Variants in SLC46A1 observed in about 807,000 individuals in gnomAD.
SLC46A1 encodes solute carrier family 46 member 1, also known as proton-coupled folate transporter.
SLC46A1 carries 17 observed loss-of-function variants against 32.1 expected under a neutral mutation model. The ratio of observed to expected loss-of-function variants is 0.53; its 90% confidence interval spans 0.36 to 0.79. SLC46A1 has a LOEUF of 0.79. Ranked by LOEUF, SLC46A1 falls within the 30% of genes least tolerant of loss-of-function variation. The pLI, the probability that SLC46A1 is intolerant of heterozygous loss-of-function variation, is 0.00. For synonymous variants in SLC46A1, 240 were observed against 262.7 expected, an observed-to-expected ratio of 0.91 and a Z score of 0.84; for missense variants, 517 against 588.2, an observed-to-expected ratio of 0.88 and a Z score of 1.25.
Position 28,406,033 on chromosome 17 carries a change from G to C in SLC46A1, c.82C>G (p.Leu28Val), listed in dbSNP as rs1474507516. ...AVLCRGPVEP[L>V]VFLANFALVL... ...AAGGCAAAGTTGGCCAGGAAGACCA[G>C]CGGCTCTACCGGGCCCCGGCACAGC... is the stretch of plus-strand genomic sequence containing the variant. The change falls in exon 1 of 5, where the codon CTG becomes GTG. Residue 28 changes from leucine to valine, a missense_variant. By Grantham distance (32) the Leu-to-Val change is conservative (BLOSUM62 1). Transcript: ENST00000612814. This position sits in a 1 kb window ranked among gnomAD's most constrained non-coding sequence, Gnocchi z 4.5. 1 of 1,608,228 alleles carries C rather than the reference G, an allele frequency of 6.2e-7. No homozygotes were observed. Among genetic ancestry groups the C allele is most frequent in the Non-Finnish European group, 8.5e-7 (1 of 1,178,396 alleles).
At chr17:28,405,579 C>A (rs527887599) in intron 1 of SLC46A1, 111 bp from the exon 2 acceptor site, 12 of 1,466,928 alleles carry the variant, frequency 8.2e-6, no homozygotes, top group Non-Finnish European at 1.0e-5. Flanking sequence ...GAGCCCTAAA[C>A]CTCAGAGAAT....
intron 2 of SLC46A1, chr17:28,403,966 T>C (rs2068225235): frequency 6.5e-6 from 1 of 153,588 alleles, no homozygotes; most frequent in African/African-American, 2.4e-5. Context: ...TGAGCCATGA[T>C]CGTGCCACTG....
intron 2 of SLC46A1, 82 bp downstream of exon 2, chr17:28,404,534 C>T (rs1555590357): frequency 4.5e-6 from 7 of 1,540,856 alleles, no homozygotes. Context: ...GAATGAACCA[C>T]ATCTGGGGGC....
intron 1 of SLC46A1, 74 bp from the exon 2 acceptor site, chr17:28,405,542 G>T: frequency 6.5e-7 from 1 of 1,542,756 alleles, no homozygotes; most frequent in Non-Finnish European, 8.7e-7. Flanking sequence ...GCCATCCCGG[G>T]AGCTACAGGG....
At chr17:28,399,755 AC>A in intron 4 of SLC46A1, 42 bp from the exon 5 acceptor site, 1 of 1,607,460 alleles carries the variant, frequency 6.2e-7, no homozygotes, top group East Asian at 2.2e-5. Flanking sequence ...CATGTGGGGA[AC>A]CCTCAAGGCC....
In SLC46A1 at chr17:28,396,215, C is replaced by T. The variant is rs781850558; in HGVS notation, c.*3441G>A. ...GAAGATCATCCGCTTCCTGCAGGGC[C>T]GCTCCTCCCGGGACTCATCTGCAGG... On this transcript the variant is annotated 3_prime_UTR_variant, in exon 5 of 5. Coordinates refer to ENST00000612814, the MANE Select transcript of SLC46A1 (RefSeq NM_080669.6). 22 of 1,613,856 alleles carry T rather than the reference C, an allele frequency of 1.4e-5. No individual in the cohort carries two copies. The highest frequency in any genetic ancestry group is 1.7e-5 in the Admixed American group (1 of 59,996).
Position 28,406,136 on chromosome 17 carries a change from C to T in SLC46A1, c.-22G>A. ...CCATGTGCGTGCGCGGCGGAGCTGT[C>T]GCCAGGCGGGCGGCGGGGCGCGCGA... On this transcript the variant is annotated 5_prime_UTR_variant, in exon 1 of 5. Transcript: ENST00000612814. This position sits in a 1 kb window ranked among gnomAD's most constrained non-coding sequence, Gnocchi z 4.5. The T allele has an allele frequency of 5.1e-6, 7 of 1,366,896 alleles. No individual in the cohort carries two copies. Among genetic ancestry groups the T allele is most frequent in the Non-Finnish European group, 6.6e-6 (7 of 1,063,530 alleles). The allele number at this position is 1,366,896 out of a possible 1,614,324, so 84.7% of individuals were successfully genotyped here.
rs1470702353 is a variant in SLC46A1, at chr17:28,404,836, G to A, written c.861C>T (p.Ile287=). ...VITVHFGAQD[I]LTLYELSTPL... is the part of the protein sequence containing the mutation. ...GTGTGCTTAGTTCATAAAGGGTTAA[G>A]ATGTCCTGGGCCCCAAAGTGCACAG... Residue 287 remains isoleucine (I), a synonymous_variant, in exon 2 of 5, where the codon ATC becomes ATT. Coordinates refer to ENST00000612814, the MANE Select transcript of SLC46A1 (RefSeq NM_080669.6). 6.2e-7 allele frequency: 1 copy of A among 1,613,896 alleles called. No individual in the cohort carries two copies. Among genetic ancestry groups the A allele is most frequent in the Non-Finnish European group, 8.5e-7 (1 of 1,179,894 alleles).
At position 28,405,920 on chromosome 17, in the gene SLC46A1, G is replaced by GCC; in HGVS notation, c.193_194dup (p.Cys66AlafsTer25). The GCC allele has an allele frequency of 6.2e-7, 1 of 1,608,110 alleles. No homozygotes were observed. Reference sequence around the variant, plus strand: ...TGGGGTCCGCGCTGCGGTTGCTGCAGCCCCCCCTTTGGCGGGTGCCATTGT... The same window carrying GCC: ...TGGGGTCCGCGCTGCGGTTGCTGCAGCCCCCCCCCTTTGGCGGGTGCCATTGT... On this transcript the variant is annotated frameshift_variant, in exon 1 of 5. Coordinates refer to ENST00000612814, the MANE Select transcript of SLC46A1 (RefSeq NM_080669.6). LOFTEE classifies it high-confidence loss of function.
rs2068162524 is a variant in SLC46A1 at position 28,398,923 on chromosome 17, GC to G, written c.*732del. 6.6e-6 allele frequency: 1 copy of G among 152,276 alleles called. No individual in the cohort carries two copies. The highest frequency in any genetic ancestry group is 6.5e-5 in the Admixed American group (1 of 15,282). The allele number at this position is 152,276 out of a possible 1,614,324, so 9.4% of individuals were successfully genotyped here. On this transcript the variant is annotated 3_prime_UTR_variant, in exon 5 of 5. Coordinates refer to ENST00000612814, the MANE Select transcript of SLC46A1 (RefSeq NM_080669.6). ...GCCCCACTTGGTACCAATCCACCAG[GC>G]AGCTCAGGGCTCCTGCCCAGCCCAG...
Position 28,405,899 on chromosome 17 carries a change from G to C in SLC46A1, c.216C>G (p.Asp72Glu). The change falls in exon 1 of 5, where the codon GAC (aspartate) becomes GAG (glutamate). Residue 72 changes from aspartate to glutamate, a missense_variant. Transcript: ENST00000612814. ...GCCGCCCCGCTACCTGCATGGTGGG[G>C]TCCGCGCTGCGGTTGCTGCAGCCCC... Reference protein sequence around the residue: ...QRGGCSNRSADPTMQEVETLT... With the variant: ...QRGGCSNRSAEPTMQEVETLT... 6.3e-7 allele frequency: 1 copy of C among 1,594,980 alleles called. No individual in the cohort carries two copies. Among genetic ancestry groups the C allele is most frequent in the Non-Finnish European group, 8.5e-7 (1 of 1,172,056 alleles).
chr17:28,400,596 G>A lies in SLC46A1; in HGVS notation c.1322+14C>T. ...GGGCTCCATTATGAGCATGGGTTCA[G>A]GGCCCTGCATTACCCAATCAGAACA... On this transcript the variant is annotated intron_variant, in intron 4 of 4. Coordinates refer to ENST00000612814, the MANE Select transcript of SLC46A1 (RefSeq NM_080669.6). 3 of 1,613,540 alleles carry A rather than the reference G, an allele frequency of 1.9e-6. 1 individual carries two copies. Among genetic ancestry groups the A allele is most frequent in the Non-Finnish European group, 2.5e-6 (3 of 1,179,738 alleles).
Position 28,405,804 on chromosome 17 carries a change from C to A in SLC46A1, c.228+83G>T, listed in dbSNP as rs540681733. 1.3e-5 allele frequency: 18 copies of A among 1,401,334 alleles called. 1 individual carries two copies. The South Asian group carries it at 2.3e-4, about 18-fold the overall frequency. The allele number at this position is 1,401,334 out of a possible 1,614,324, so 86.8% of individuals were successfully genotyped here. ...CCTCCCTCCAGTTACCCGCCACTAC[C>A]ATTACGCAGGCCCCGCCCCTCCGCT... On this transcript the variant is annotated intron_variant, in intron 1 of 4. Coordinates refer to ENST00000612814, the MANE Select transcript of SLC46A1 (RefSeq NM_080669.6).
Position 28,396,500 on chromosome 17 carries a change from G to T in SLC46A1, c.*3156C>A. Reference sequence around the variant, plus strand: ...AGGGAAGTCAGGCTTGGGCACGGGAGGTTAGAACTCCCCCAGGCCCTGCCA... The same window carrying T: ...AGGGAAGTCAGGCTTGGGCACGGGATGTTAGAACTCCCCCAGGCCCTGCCA... On this transcript the variant is annotated 3_prime_UTR_variant, in exon 5 of 5. Transcript: ENST00000612814. 1.7e-6 allele frequency: 1 copy of T among 595,364 alleles called. No homozygotes were observed. The highest frequency in any genetic ancestry group is 2.1e-5 in the South Asian group (1 of 48,194). The allele number at this position is 595,364 out of a possible 1,614,324, so 36.9% of individuals were successfully genotyped here. A position where few individuals can be genotyped will look rare whatever the true frequency, so the allele number is the denominator to read the frequency against.
In SLC46A1 at chr17:28,397,872, C is replaced by T. The variant is rs1398083576; in HGVS notation, c.*1784G>A. Reference sequence around the variant, plus strand: ...TTAAAGCTGGCTGCGCCCCCAGCCCCACTCTTGGCTGTGCTGGCCAGGTGA... The same window carrying T: ...TTAAAGCTGGCTGCGCCCCCAGCCCTACTCTTGGCTGTGCTGGCCAGGTGA... On this transcript the variant is annotated 3_prime_UTR_variant, in exon 5 of 5. Transcript: ENST00000612814. The T allele has an allele frequency of 3.9e-5, 6 of 152,942 alleles. No homozygotes were observed. Among genetic ancestry groups the T allele is most frequent in the African/African-American group, 1.4e-4 (6 of 41,492 alleles). The allele number at this position is 152,942 out of a possible 1,614,324, so 9.5% of individuals were successfully genotyped here.
Position 28,405,920 on chromosome 17 carries a change from GC to G in SLC46A1, c.194del (p.Gly65AlafsTer25), listed in dbSNP as rs80338769. On this transcript the variant is annotated frameshift_variant, in exon 1 of 5. Coordinates refer to ENST00000612814, the MANE Select transcript of SLC46A1 (RefSeq NM_080669.6). LOFTEE classifies it high-confidence loss of function. ...LGYNGTRQRGGCSNRSADPTM... is the reference protein window; with the variant it reads ...LGYNGTRQRGXCSNRSADPTM... ...TGGGGTCCGCGCTGCGGTTGCTGCA[GC>G]CCCCCCTTTGGCGGGTGCCATTGTA... The G allele has an allele frequency of 4.4e-6, 7 of 1,607,980 alleles. No homozygotes were observed. In the African/African-American group the frequency reaches 5.3e-5, roughly 12 times the overall value.
Position 28,404,719 on chromosome 17 carries a change from C to T in SLC46A1, c.978G>A (p.Gln326=), listed in dbSNP as rs782809308. Reference sequence around the variant, plus strand: ...CTACCCAGGCATCGGCCAGGCAGTACTGCAGGAGCTTCAGGGCCAGCAGGC... The same window carrying T: ...CTACCCAGGCATCGGCCAGGCAGTATTGCAGGAGCTTCAGGGCCAGCAGGC... ...LTSLLALKLL[Q]YCLADAWVAE... Residue 326 remains glutamine, a synonymous_variant, in exon 2 of 5, where the codon CAG becomes CAA. Transcript: ENST00000612814. 3.4e-5 allele frequency: 55 copies of T among 1,614,018 alleles called. No individual in the cohort carries two copies. The highest frequency in any genetic ancestry group is 1.6e-4 in the Middle Eastern group (1 of 6,062).
chr17:28,405,847 C>T (rs1555591241), intron 1 of SLC46A1, 40 bp downstream of exon 1: 4 of 1,531,622 alleles, frequency 2.6e-6, no homozygotes, highest in East Asian at 2.5e-5. Context: ...CGCTCCAGAC[C>T]AGGGCCCTCC....
chr17:28,396,532 T>A lies in SLC46A1; in HGVS notation c.*3124A>T. ...ACTCCCCCAGGCCCTGCCATTGGGT[T>A]GTCTGTCTCCGTCATGGGGAGGGTC... On this transcript the variant is annotated 3_prime_UTR_variant, in exon 5 of 5. Transcript: ENST00000612814. 1.8e-6 allele frequency: 1 copy of A among 550,178 alleles called. No individual in the cohort carries two copies. The highest frequency in any genetic ancestry group is 3.1e-5 in the Admixed American group (1 of 32,122). 34.1% of individuals were successfully genotyped at this position (550,178 alleles called of 1,614,324 possible).
Sources: allele counts gnomAD v4.1 joint callset, GRCh38; gene constraint gnomAD v4.1.1; non-coding constraint Gnocchi (gnomAD v3.1); transcripts MANE v1.5; gene names NCBI Gene and HGNC (gene_info 2026-07-23, HGNC 2026-07-21).